Variants in PDE7B observed in about 807,000 individuals in gnomAD.
PDE7B encodes phosphodiesterase 7B.
In PDE7B, 29 loss-of-function variants were observed where a neutral mutation model predicts 56.2. The observed-to-expected ratio is 0.52, with a 90% CI of 0.38 to 0.70. The LOEUF is 0.70. Ranked by LOEUF, PDE7B falls within the 30% of genes least tolerant of loss-of-function variation. PDE7B has a pLI of 0.00. For missense variants in PDE7B, 490 were observed against 565.0 expected (o/e 0.87, Z 1.35); for synonymous variants, 197 against 196.9 (o/e 1.00, Z 0.00).
intron 1 of PDE7B, among the ~76,000 whole-genome samples, chr6:135,875,465 A>G (rs893994478): frequency 2.6e-5 from 4 of 152,188 alleles, no homozygotes; most frequent in African/African-American, 7.2e-5. Flanking sequence ...CTAGAAAAAT[A>G]TAAGAAACTT....
chr6:135,958,379 T>A (rs1475052395), intron 2 of PDE7B, among the ~76,000 whole-genome samples: 1 of 152,218 alleles, frequency 6.6e-6, no homozygotes, highest in African/African-American at 2.4e-5. Flanking sequence ...TTTAAAATGT[T>A]CCAGAGACAA....
At chr6:135,951,938 A>G (rs1178641383) in intron 2 of PDE7B, among the ~76,000 whole-genome samples, 5 of 152,216 alleles carry the variant, frequency 3.3e-5, no homozygotes, top group African/African-American at 1.2e-4. Flanking sequence ...ACAGAACACC[A>G]GAAAATCAAT....
At chr6:135,968,929 A>C (rs563626475) in intron 2 of PDE7B, among the ~76,000 whole-genome samples, 2 of 152,342 alleles carry the variant, frequency 1.3e-5, no homozygotes, top group African/African-American at 4.8e-5. Context: ...AATGTGGTAC[A>C]TATACACCAT....
intron 1 of PDE7B, among the ~76,000 whole-genome samples, chr6:135,853,017 C>G (rs1223369316): frequency 1.3e-5 from 2 of 152,140 alleles, no homozygotes; most frequent in Non-Finnish European, 2.9e-5. Flanking sequence ...AGGAGGATCC[C>G]TGCTAAAAAT....
In PDE7B at chr6:135,982,857, C is replaced by T. The variant is rs117968663; in HGVS notation, c.82+35333C>T. Among the ~76,000 whole-genome samples, 242 of 152,240 alleles carry T rather than the reference C, an allele frequency of 1.6e-3. 1 individual carries two copies. In the East Asian group the frequency reaches 0.028, roughly 18 times the overall value. On this transcript the variant is annotated intron_variant, in intron 2 of 12. Coordinates refer to ENST00000308191, the MANE Select transcript of PDE7B (RefSeq NM_018945.4). The stretch of plus-strand genomic sequence containing the variant: ...CACACCCTGTCACAGAGTGAGGTTT[C>T]TTCAAATGTGCTTGTCTTCTCTGAG...
intron 11 of PDE7B, among the ~76,000 whole-genome samples, chr6:136,182,964 C>G (rs546118292): frequency 1.3e-5 from 2 of 148,696 alleles, no homozygotes; most frequent in Non-Finnish European, 3.0e-5. Context: ...CCCAGCTACT[C>G]GGGAGGCTGA....
intron 3 of PDE7B, among the ~76,000 whole-genome samples, chr6:136,135,698 G>A (rs1432204363): frequency 6.6e-6 from 1 of 151,972 alleles, no homozygotes; most frequent in Non-Finnish European, 1.5e-5. Flanking sequence ...AGGTTTTCTG[G>A]CAGCTATTTT....
At chr6:136,183,523 G>A (rs1368931979) in intron 11 of PDE7B, among the ~76,000 whole-genome samples, 1 of 150,510 alleles carries the variant, frequency 6.6e-6, no homozygotes, top group African/African-American at 2.4e-5. Context: ...ATGAACCCGG[G>A]AGGCAGAGCT....
chr6:136,031,583 C>CA (rs1378207100), intron 2 of PDE7B, among the ~76,000 whole-genome samples: 1 of 151,368 alleles, frequency 6.6e-6, no homozygotes, highest in Non-Finnish European at 1.5e-5. Flanking sequence ...ACTAAAAATA[C>CA]AAAAAATTAG....
intron 3 of PDE7B, among the ~76,000 whole-genome samples, chr6:136,133,962 G>A (rs1401778219): frequency 1.3e-5 from 2 of 152,100 alleles, no homozygotes; most frequent in African/African-American, 4.8e-5. Flanking sequence ...GGTACTTTTG[G>A]GAGATAAAAA....
At chr6:135,899,324 G>T (rs1467408749) in intron 1 of PDE7B, among the ~76,000 whole-genome samples, 1 of 151,648 alleles carries the variant, frequency 6.6e-6, no homozygotes, top group Non-Finnish European at 1.5e-5. Context: ...TGAAACCTGG[G>T]TAATGTCTAT....
chr6:136,138,566 A>T (rs1562502602), intron 3 of PDE7B, among the ~76,000 whole-genome samples: 1 of 151,802 alleles, frequency 6.6e-6, no homozygotes, highest in Non-Finnish European at 1.5e-5. Flanking sequence ...TACCTTGAGG[A>T]TTTTTTTTCT....
intron 1 of PDE7B, among the ~76,000 whole-genome samples, chr6:135,865,200 C>G (rs1483333759): frequency 6.6e-6 from 1 of 152,104 alleles, no homozygotes. Context: ...TCTAGCTCTT[C>G]TTAATGGGAC....
chr6:135,950,763 T>C (rs1562450189), intron 2 of PDE7B, among the ~76,000 whole-genome samples: 1 of 152,160 alleles, frequency 6.6e-6, no homozygotes, highest in Admixed American at 6.6e-5. Flanking sequence ...TTCTCTTCCA[T>C]TGGCGAGTCC....
In PDE7B at chr6:136,192,129, T is replaced by A. The variant is rs1779240803; in HGVS notation, c.*289T>A. 1 of 450,002 alleles carries A rather than the reference T, an allele frequency of 2.2e-6. No individual in the cohort carries two copies. Among genetic ancestry groups the A allele is most frequent in the Admixed American group, 3.7e-5 (1 of 26,874 alleles). 27.9% of individuals were successfully genotyped at this position (450,002 alleles called of 1,614,324 possible). A position where few individuals can be genotyped will look rare whatever the true frequency, so the allele number is the denominator to read the frequency against. On this transcript the variant is annotated 3_prime_UTR_variant, in exon 13 of 13. Transcript: ENST00000308191. ...TCCAGGAGAAGACTAGGAGGAAGAA[T>A]GAGGTGCTCCTGCCGTGTCCGCCTT... is the stretch of plus-strand genomic sequence containing the variant.
chr6:136,156,194 T>TGTGTGTGTGTGTGC (rs1778602202), intron 8 of PDE7B: 1 of 335,204 alleles, frequency 3.0e-6, no homozygotes, highest in East Asian at 7.7e-5. Flanking sequence ...TGTGTGTGTG[T>TGTGTGTGTGTGTGC]GTGTGTGTTT....
intron 2 of PDE7B, among the ~76,000 whole-genome samples, chr6:135,977,044 A>G (rs897709565): frequency 3.9e-5 from 6 of 152,258 alleles, no homozygotes; most frequent in Non-Finnish European, 8.8e-5. Context: ...TCTGACTAGC[A>G]ATATCCTGGT....
At chr6:136,152,005 A>C (rs897561477) in intron 6 of PDE7B, among the ~76,000 whole-genome samples, 1 of 152,142 alleles carries the variant, frequency 6.6e-6, no homozygotes, top group Non-Finnish European at 1.5e-5. Flanking sequence ...CATCAAGTGG[A>C]TGTGGATCAT....
At chr6:136,184,122 C>G (rs76657498) in intron 11 of PDE7B, among the ~76,000 whole-genome samples, 1,709 of 152,244 alleles carry the variant, frequency 0.011, 25 homozygotes, top group African/African-American at 0.039. Flanking sequence ...GTGCAAAGCC[C>G]CATTGGAGAT....
Sources: allele counts gnomAD v4.1 joint callset (sites outside exome capture counted in the v4.1 genomes callset), GRCh38; gene constraint gnomAD v4.1.1; transcripts MANE v1.5; gene names NCBI Gene and HGNC (gene_info 2026-07-23, HGNC 2026-07-21).